The following ZNF626 variants were observed in gnomAD, a reference collection of about 807,000 sequenced individuals.
The protein encoded by ZNF626 is CTC-513N18.7.
A neutral mutation model predicts 11.7 loss-of-function variants in ZNF626; 4 were observed. The observed-to-expected ratio is 0.34, with a 90% CI of 0.17 to 0.78. The LOEUF (loss-of-function observed/expected upper bound fraction) is 0.78. Among genes scored for constraint, ZNF626 ranks in the 30% least tolerant of loss-of-function variants. ZNF626 has a pLI of 0.57. For missense variants in ZNF626, 588 were observed against 587.1 expected, an observed-to-expected ratio of 1.00 and a Z score of -0.01; for synonymous variants, 179 against 198.6, an observed-to-expected ratio of 0.90 and a Z score of 0.83.
chr19:20,627,357 T>C (rs1969849097), intron 3 of ZNF626, among the ~76,000 whole-genome samples: 1 of 152,076 alleles, frequency 6.6e-6, no homozygotes, highest in Admixed American at 6.5e-5. Context: ...TGAAGTTTAT[T>C]TTTTACCACA....
chr19:20,644,824 A>G (rs1555771749), intron 3 of ZNF626: 2 of 152,128 alleles, frequency 1.3e-5, no homozygotes, highest in Non-Finnish European at 2.9e-5. Context: ...CTATGGTTTC[A>G]TACACTTAAA....
intron 1 of ZNF626, among the ~76,000 whole-genome samples, chr19:20,647,447 G>T (rs111874992): frequency 6.7e-6 from 1 of 150,226 alleles, no homozygotes; most frequent in Non-Finnish European, 1.5e-5. Context: ...ATTAATTAAT[G>T]GTTAATGCAT....
At chr19:20,659,711 T>G (rs2144798771) in intron 1 of ZNF626, among the ~76,000 whole-genome samples, 1 of 118,468 alleles carries the variant, frequency 8.4e-6, no homozygotes, top group East Asian at 2.6e-4. Context: ...CAATACTTCT[T>G]AGGAATTCAT....
At chr19:20,627,708 G>C (rs113308501) in intron 3 of ZNF626, among the ~76,000 whole-genome samples, 1 of 152,094 alleles carries the variant, frequency 6.6e-6, no homozygotes, top group African/African-American at 2.4e-5. Flanking sequence ...ACAGGAGTCA[G>C]TTGAGATCTA....
chr19:20,634,190 C>A (rs372823239), intron 3 of ZNF626, among the ~76,000 whole-genome samples: 266 of 152,188 alleles, frequency 1.7e-3, no homozygotes, highest in Middle Eastern at 3.4e-3. Flanking sequence ...ACTGAATAAA[C>A]ACAAAGAGAG....
At chr19:20,652,676 T>C (rs1020342861) in intron 1 of ZNF626, among the ~76,000 whole-genome samples, 30 of 152,200 alleles carry the variant, frequency 2.0e-4, no homozygotes, top group African/African-American at 7.2e-4. Flanking sequence ...ATTGCACTTT[T>C]ATTTTAACGT....
At chr19:20,634,817 A>T (rs1969949659) in intron 3 of ZNF626, among the ~76,000 whole-genome samples, 1 of 152,234 alleles carries the variant, frequency 6.6e-6, no homozygotes, top group Non-Finnish European at 1.5e-5. Flanking sequence ...ATAATCTTCA[A>T]GGAATAATGT....
chr19:20,632,987 T>C (rs1969924132), intron 3 of ZNF626, among the ~76,000 whole-genome samples: 5 of 152,190 alleles, frequency 3.3e-5, no homozygotes, highest in Admixed American at 3.3e-4. Flanking sequence ...TTCTCTTTGT[T>C]AGTTTTCCTT....
chr19:20,658,097 T>C (rs1477991211), intron 1 of ZNF626, among the ~76,000 whole-genome samples: 1 of 146,530 alleles, frequency 6.8e-6, no homozygotes, highest in Non-Finnish European at 1.5e-5. Context: ...CAACCAAAAA[T>C]CAAAGCTAAA....
At chr19:20,651,595 AAGC>A (rs782445215) in intron 1 of ZNF626, among the ~76,000 whole-genome samples, 2 of 152,174 alleles carry the variant, frequency 1.3e-5, no homozygotes, top group Non-Finnish European at 2.9e-5. Context: ...ACTGAGAAAG[AAGC>A]AGAATTAACC....
In ZNF626 at chr19:20,625,510, A is replaced by C. The variant is rs1555769518; in HGVS notation, c.367T>G (p.Cys123Gly). ...TTATAACCTTCTTTGTGCACCTTAC[A>C]CTCATCCACACTTATACATCCTTTT... ...LKKGCISVDECKVHKEGYNEL... is the reference protein window; with the variant it reads ...LKKGCISVDEGKVHKEGYNEL... The change falls in exon 4 of 4, where the codon TGT becomes GGT. Residue 123 changes from cysteine (C) to glycine (G), a missense_variant. Transcript: ENST00000601440. 1 of 1,613,892 alleles carries C rather than the reference A, an allele frequency of 6.2e-7. No homozygotes were observed. The highest frequency in any genetic ancestry group is 2.2e-5 in the East Asian group (1 of 44,838).
At chr19:20,651,765 C>G (rs556051424) in intron 1 of ZNF626, among the ~76,000 whole-genome samples, 51 of 152,262 alleles carry the variant, frequency 3.3e-4, no homozygotes, top group African/African-American at 1.1e-3. Context: ...AATAGAACTG[C>G]CTTGGTGGAG....
chr19:20,625,143 G>C lies in ZNF626; in HGVS notation c.734C>G (p.Thr245Ser), dbSNP rs368043663. 3.2e-5 allele frequency: 52 copies of C among 1,613,050 alleles called. No homozygotes were observed. The highest frequency in any genetic ancestry group is 4.1e-5 in the Non-Finnish European group (48 of 1,179,870). ...TCCAGTATGATTTCTCTTATGTGTA[G>C]TAAGAGTGGAGGAGTGCTTAAAGGC... ...GKAFKHSSTL[T>S]THKRNHTGEK... The change falls in exon 4 of 4, where the codon ACT becomes AGT. Residue 245 changes from threonine (T) to serine (S), a missense_variant. By Grantham distance (58) the Thr-to-Ser change is moderately conservative. Transcript: ENST00000601440.
At position 20,645,729 on chromosome 19, in the gene ZNF626, T is replaced by C. The variant is rs1970069706; in HGVS notation, c.181A>G (p.Lys61Glu). 3 of 1,611,942 alleles carry C rather than the reference T, an allele frequency of 1.9e-6. No homozygotes were observed. Among genetic ancestry groups the C allele is most frequent in the South Asian group, 1.1e-5 (1 of 90,610 alleles). The part of the protein sequence containing the change: ...DLITCLEQGR[K>E]PLTMKRNEMI... ...TCATTTCTCTTCATGGTCAAAGGTT[T>C]TCTTCCTTGCTCCAGACAGGTGATC... The change falls in exon 3 of 4, where the codon AAA becomes GAA. Residue 61 changes from lysine to glutamate, a missense_variant. Physicochemically the swap from Lys to Glu is moderately conservative, Grantham distance 56 (BLOSUM62 1). Coordinates refer to ENST00000601440, the MANE Select transcript of ZNF626 (RefSeq NM_001076675.3).
At chr19:20,626,515 T>G (rs1555769744) in intron 3 of ZNF626, among the ~76,000 whole-genome samples, 2 of 152,092 alleles carry the variant, frequency 1.3e-5, no homozygotes, top group Non-Finnish European at 2.9e-5. Flanking sequence ...GGTGAGAATT[T>G]GAGACCAGCC....
At chr19:20,659,094 G>A (rs540256223) in intron 1 of ZNF626, among the ~76,000 whole-genome samples, 16 of 152,300 alleles carry the variant, frequency 1.1e-4, no homozygotes, top group African/African-American at 3.4e-4. Context: ...GTGTGCTCCA[G>A]GAACAGTATA....
In ZNF626 at chr19:20,620,939, C is replaced by A. The variant is rs1555768639; in HGVS notation, c.*3351G>T. ...ACTGCAACCTCTGCCTCCTGGGTTACACCATTCTCCCGCCTCAGCCTCTGG... is the reference window on the plus strand; with the variant it reads ...ACTGCAACCTCTGCCTCCTGGGTTAAACCATTCTCCCGCCTCAGCCTCTGG... On this transcript the variant is annotated 3_prime_UTR_variant, in exon 4 of 4. Coordinates refer to ENST00000601440, the MANE Select transcript of ZNF626 (RefSeq NM_001076675.3). The A allele has an allele frequency of 6.6e-6, 1 of 151,326 alleles. No homozygotes were observed. The highest frequency in any genetic ancestry group is 1.5e-5 in the Non-Finnish European group (1 of 68,230). The allele number at this position is 151,326 out of a possible 1,614,324, so 9.4% of individuals were successfully genotyped here. A position where few individuals can be genotyped will look rare whatever the true frequency, so the allele number is the denominator to read the frequency against.
chr19:20,624,374 T>A lies in ZNF626; in HGVS notation c.1503A>T (p.Arg501Ser). The A allele has an allele frequency of 1.2e-6, 1 of 814,240 alleles. No individual in the cohort carries two copies. Among genetic ancestry groups the A allele is most frequent in the Non-Finnish European group, 1.9e-6 (1 of 515,558 alleles). 50.4% of individuals were successfully genotyped at this position (814,240 alleles called of 1,614,324 possible). A position where few individuals can be genotyped will look rare whatever the true frequency, so the allele number is the denominator to read the frequency against. Residue 501 changes from arginine to serine, a missense_variant, in exon 4 of 4, where the codon AGA (arginine) becomes AGT (serine). Arg to Ser is a moderately radical substitution (Grantham distance 110, BLOSUM62 -1). Around this residue, in one of 4 missense-constraint regions of ZNF626, gnomAD observed 43 missense variants for 38.0 expected, o/e 1.13. Transcript: ENST00000601440. Reference sequence around the variant, plus strand: ...TTGTAGAATTTCTCTCCAGTATGATTCTCTCATGTGTAGTAAGGATTGAGG... The same window carrying A: ...TTGTAGAATTTCTCTCCAGTATGATACTCTCATGTGTAGTAAGGATTGAGG... Reference protein sequence around the residue: ...NQSSILTTHERIILERNSTNV... With the variant: ...NQSSILTTHESIILERNSTNV...
intron 3 of ZNF626, among the ~76,000 whole-genome samples, chr19:20,630,360 G>C (rs12779218): frequency 0.3 from 46,188 of 151,996 alleles, 7,920 homozygotes; most frequent in East Asian, 0.47. Flanking sequence ...AATGGTACCA[G>C]CTCCTCTTTG....
Sources: allele counts gnomAD v4.1 joint callset (sites outside exome capture counted in the v4.1 genomes callset), GRCh38; gene constraint gnomAD v4.1.1; regional missense constraint gnomAD v4.1.1; transcripts MANE v1.5; gene names NCBI Gene and HGNC (gene_info 2026-07-23, HGNC 2026-07-21).